Variants in PTPN2 observed in about 807,000 individuals in gnomAD.
The protein encoded by PTPN2 is tyrosine-protein phosphatase non-receptor type 2.
Under a neutral mutation model 57.3 loss-of-function variants are expected in PTPN2, and 19 were observed. The ratio of observed to expected loss-of-function variants is 0.33; its 90% CI spans 0.23 to 0.49. The LOEUF (loss-of-function observed/expected upper bound fraction) is 0.49. Among genes scored for constraint, PTPN2 ranks in the 20% least tolerant of loss-of-function variants. The probability of loss-of-function intolerance (pLI) is 0.99; values close to 1 mark genes in which losing one functional copy is unlikely to be tolerated. For missense variants in PTPN2, 358 were observed against 501.1 expected (o/e 0.71, Z 2.73); for synonymous variants, 153 against 164.9 (o/e 0.93, Z 0.55).
chr18:12,815,463 G>A (rs1032691297), intron 6 of PTPN2, among the ~76,000 whole-genome samples: 1 of 151,586 alleles, frequency 6.6e-6, no homozygotes, highest in Non-Finnish European at 1.5e-5. Context: ...GAAGAAAGAC[G>A]GTGGAAAAGA....
chr18:12,879,066 A>T (rs2044586078), intron 1 of PTPN2, among the ~76,000 whole-genome samples: 1 of 152,188 alleles, frequency 6.6e-6, no homozygotes. Flanking sequence ...AGGGATCATG[A>T]ACATTACTCA....
At chr18:12,863,688 C>T (rs2043895971) in intron 1 of PTPN2, 1 of 152,084 alleles carries the variant, frequency 6.6e-6, no homozygotes, top group African/African-American at 2.4e-5. Context: ...CAGGCATTGC[C>T]AAATGTCCTT....
At chr18:12,825,019 G>A (rs1409860815) in intron 5 of PTPN2, among the ~76,000 whole-genome samples, 1 of 152,112 alleles carries the variant, frequency 6.6e-6, no homozygotes, top group Non-Finnish European at 1.5e-5. Context: ...CCAGGAGTTG[G>A]AGGCCTCATT....
At chr18:12,871,346 G>A (rs1366399218) in intron 1 of PTPN2, among the ~76,000 whole-genome samples, 1 of 152,030 alleles carries the variant, frequency 6.6e-6, no homozygotes, top group Non-Finnish European at 1.5e-5. Context: ...TTATATTAAT[G>A]AACTTTTTCA....
Position 12,792,796 on chromosome 18 carries a change from G to T in PTPN2, c.*1482C>A. On this transcript the variant is annotated 3_prime_UTR_variant, in exon 9 of 9. Coordinates refer to ENST00000309660, the MANE Select transcript of PTPN2 (RefSeq NM_002828.4). Reference sequence around the variant, plus strand: ...AGTAGAGATGGTGTTTCACCACGTTGGCCAGGCTGGTCTTGAACTCCTGAC... The same window carrying T: ...AGTAGAGATGGTGTTTCACCACGTTTGCCAGGCTGGTCTTGAACTCCTGAC... The T allele has an allele frequency of 1.9e-6, 1 of 513,638 alleles. No individual in the cohort carries two copies. The highest frequency in any genetic ancestry group is 2.5e-6 in the Non-Finnish European group (1 of 399,172). 31.8% of individuals were successfully genotyped at this position (513,638 alleles called of 1,614,324 possible). A position where few individuals can be genotyped will look rare whatever the true frequency, so the allele number is the denominator to read the frequency against.
intron 7 of PTPN2, among the ~76,000 whole-genome samples, chr18:12,804,934 C>T (rs4796968): frequency 0.07 from 10,706 of 152,156 alleles, 599 homozygotes; most frequent in East Asian, 0.14. Context: ...AACTACAGGC[C>T]AATATCCTTG....
chr18:12,833,550 A>G (rs781760766), intron 3 of PTPN2, among the ~76,000 whole-genome samples: 40 of 152,194 alleles, frequency 2.6e-4, no homozygotes, highest in Non-Finnish European at 5.4e-4. Flanking sequence ...ATGCAGAAGA[A>G]TGGGAGGGAG....
At chr18:12,870,363 GTGTATA>G (rs2044179019) in intron 1 of PTPN2, among the ~76,000 whole-genome samples, 1 of 27,320 alleles carries the variant, frequency 3.7e-5, no homozygotes, top group African/African-American at 2.4e-4. Context: ...GTATATATAT[GTGTATA>G]TATACATATA....
chr18:12,789,892 A>G (rs2040940100), downstream of PTPN2, among the ~76,000 whole-genome samples: 1 of 151,062 alleles, frequency 6.6e-6, no homozygotes, highest in African/African-American at 2.4e-5. Flanking sequence ...ATATATATGT[A>G]TGTATATATG....
chr18:12,805,612 C>A (rs2041616700), intron 7 of PTPN2, among the ~76,000 whole-genome samples: 1 of 150,724 alleles, frequency 6.6e-6, no homozygotes, highest in South Asian at 2.1e-4. Context: ...CTCTTAAGAT[C>A]TGGAACAAGA....
intron 1 of PTPN2, among the ~76,000 whole-genome samples, chr18:12,870,446 TATATATATATATATATAGAGAG>T (rs2044209756): frequency 4.4e-5 from 1 of 22,630 alleles, no homozygotes; most frequent in Admixed American, 6.7e-4. Context: ...TATGTGTATA[TATATATATATATATATAGAGAG>T]AGAGAGAGAG....
Position 12,854,544 on chromosome 18 carries a change from G to A in PTPN2, c.160+4620C>T, listed in dbSNP as rs544501621. Among the ~76,000 whole-genome samples the A allele has an allele frequency of 5.1e-4, 77 of 152,300 alleles. 1 individual carries two copies. Among genetic ancestry groups the A allele is most frequent in the African/African-American group, 1.8e-3 (76 of 41,566 alleles). On this transcript the variant is annotated intron_variant, in intron 2 of 8. Transcript: ENST00000309660. ...AAAGGCAGGTGTGGGGCTAAGGCCA[G>A]TGAAGTGTGTCAGGGAGGAACACTC... is the stretch of plus-strand genomic sequence containing the variant.
At chr18:12,838,259 A>C (rs530780326) in intron 2 of PTPN2, among the ~76,000 whole-genome samples, 2 of 152,316 alleles carry the variant, frequency 1.3e-5, no homozygotes, top group South Asian at 4.1e-4. Context: ...GCACAACTGA[A>C]AACAGCCATT....
chr18:12,861,375 AG>A (rs1476180430), intron 1 of PTPN2, among the ~76,000 whole-genome samples: 4 of 152,178 alleles, frequency 2.6e-5, no homozygotes, highest in Non-Finnish European at 4.4e-5. Flanking sequence ...TCATAAACCA[AG>A]TTTCAGCACA....
rs2041023100 is a variant in PTPN2, at chr18:12,792,742, C to A, written c.*1536G>T. On this transcript the variant is annotated 3_prime_UTR_variant, in exon 9 of 9. Transcript: ENST00000309660. ...AGTAGCTGAGATTACAGGTGCCCTC[C>A]ACCATGCCCAGCTAATTTTTGCATT... The A allele has an allele frequency of 1.0e-5, 2 of 192,242 alleles. No individual in the cohort carries two copies. The highest frequency in any genetic ancestry group is 1.9e-5 in the Non-Finnish European group (2 of 104,768). The allele number at this position is 192,242 out of a possible 1,614,324, so 11.9% of individuals were successfully genotyped here.
chr18:12,824,682 G>C (rs1286458537), intron 5 of PTPN2, among the ~76,000 whole-genome samples: 1 of 152,162 alleles, frequency 6.6e-6, no homozygotes, highest in African/African-American at 2.4e-5. Flanking sequence ...AATGGCGAAA[G>C]GGGGAGAAAT....
At chr18:12,875,508 G>T (rs530609897) in intron 1 of PTPN2, among the ~76,000 whole-genome samples, 1 of 142,340 alleles carries the variant, frequency 7.0e-6, no homozygotes, top group Non-Finnish European at 1.5e-5. Context: ...CAAAGTAAGG[G>T]TGGTATTATT....
chr18:12,820,301 T>G (rs947180680), intron 5 of PTPN2, among the ~76,000 whole-genome samples: 1 of 152,158 alleles, frequency 6.6e-6, no homozygotes, highest in Admixed American at 6.5e-5. Flanking sequence ...AGAGGTTAAC[T>G]TTGATTAATT....
At chr18:12,877,585 C>T (rs953122039) in intron 1 of PTPN2, among the ~76,000 whole-genome samples, 2 of 152,208 alleles carry the variant, frequency 1.3e-5, no homozygotes, top group African/African-American at 4.8e-5. Flanking sequence ...CTTTGATTCA[C>T]CTGCCTAACT....
Sources: gnomAD v4.1 joint callset for allele counts (sites outside exome capture counted in the v4.1 genomes callset) on GRCh38, gnomAD v4.1.1 for gene constraint, MANE v1.5 for transcripts, NCBI Gene and HGNC (gene_info 2026-07-23, HGNC 2026-07-21) for gene names.